GRIK2: variants seen among roughly 807,000 people sequenced by gnomAD.
GRIK2 encodes the protein glutamate receptor ionotropic, kainate 2.
GRIK2 carries 32 observed loss-of-function variants against 100.3 expected under a neutral mutation model. The ratio of observed to expected loss-of-function variants is 0.32; its 90% CI spans 0.24 to 0.43. The LOEUF (loss-of-function observed/expected upper bound fraction) is 0.43, where lower values mean the gene tolerates loss of function less well. GRIK2 is among the 20% of genes least tolerant of loss of function. The pLI is 1.00. For synonymous variants in GRIK2, 417 were observed against 389.4 expected, an observed-to-expected ratio of 1.07 and a Z score of -0.83; for missense variants, 843 against 1,114.9, an observed-to-expected ratio of 0.76 and a Z score of 3.47.
intron 12 of GRIK2, among the ~76,000 whole-genome samples, chr6:101,902,777 A>G (rs1252717437): frequency 2.0e-5 from 3 of 151,892 alleles, no homozygotes; most frequent in African/African-American, 7.2e-5. Context: ...ACTCTTTAAG[A>G]TAATTTAGTT....
intron 9 of GRIK2, among the ~76,000 whole-genome samples, chr6:101,804,953 A>C (rs1246100678): frequency 6.6e-6 from 1 of 151,976 alleles, no homozygotes; most frequent in Non-Finnish European, 1.5e-5. Context: ...AGAATAGTTT[A>C]CAGCTCAAGG....
At chr6:101,629,371 T>G (rs1468724683) in intron 4 of GRIK2, among the ~76,000 whole-genome samples, 1 of 152,128 alleles carries the variant, frequency 6.6e-6, no homozygotes, top group Non-Finnish European at 1.5e-5. Flanking sequence ...ATGCAACATT[T>G]AATTCAATGA....
At chr6:101,851,547 A>C (rs1405679719) in intron 10 of GRIK2, among the ~76,000 whole-genome samples, 1 of 152,044 alleles carries the variant, frequency 6.6e-6, no homozygotes, top group Non-Finnish European at 1.5e-5. Context: ...ATATGTTGCT[A>C]CCTAAATCTG....
intron 14 of GRIK2, among the ~76,000 whole-genome samples, chr6:101,946,326 C>T (rs1791274074): frequency 6.6e-6 from 1 of 151,744 alleles, no homozygotes; most frequent in African/African-American, 2.4e-5. Flanking sequence ...AACATAACTT[C>T]AGAAGATTTT....
In GRIK2 at chr6:101,545,945, CA is replaced by C. The variant is rs113983409; in HGVS notation, c.116-76003del. On this transcript the variant is annotated intron_variant, in intron 2 of 16. Coordinates refer to ENST00000369134, the MANE Select transcript of GRIK2 (RefSeq NM_021956.5). ...ATCTGTGCTGCCATTTAGTTCTCAA[CA>C]TTTTTTTTTTTTCTGAGCTGATCCC... Among the ~76,000 whole-genome samples the C allele has an allele frequency of 2.1e-4, 11 of 52,352 alleles. 2 individuals carry two copies. The highest frequency in any genetic ancestry group is 1.6e-3 in the African/African-American group (11 of 6,858). 34.3% of individuals were successfully genotyped at this position (52,352 alleles called of 152,430 possible). A position where few individuals can be genotyped will look rare whatever the true frequency, so the allele number is the denominator to read the frequency against.
At chr6:101,867,897 A>G (rs553021968) in intron 11 of GRIK2, among the ~76,000 whole-genome samples, 9 of 151,704 alleles carry the variant, frequency 5.9e-5, no homozygotes, top group African/African-American at 2.2e-4. Flanking sequence ...GCTAAGGATT[A>G]TTTTATTTGG....
At position 102,027,542 on chromosome 6, in the gene GRIK2, A is replaced by G. The variant is rs545412383; in HGVS notation, c.2086-7799A>G. ...AAAACATATTACAATATAGTATTCA[A>G]TTTTCTTTGCATGGTGGATGTGTTG... is the stretch of plus-strand genomic sequence containing the variant. On this transcript the variant is annotated intron_variant, in intron 14 of 16. Transcript: ENST00000369134. 5.1e-4 allele frequency among the ~76,000 whole-genome samples: 76 copies of G among 147,722 alleles called. 1 individual carries two copies. The South Asian group carries it at 0.012, about 23-fold the overall frequency.
chr6:101,545,559 T>G (rs1010687149), intron 2 of GRIK2, among the ~76,000 whole-genome samples: 4 of 152,176 alleles, frequency 2.6e-5, no homozygotes, highest in African/African-American at 9.7e-5. Context: ...TAGCTAGATT[T>G]GTGTAAATCT....
intron 11 of GRIK2, among the ~76,000 whole-genome samples, chr6:101,861,850 A>G (rs1784753055): frequency 6.6e-6 from 1 of 152,254 alleles, no homozygotes; most frequent in South Asian, 2.1e-4. Context: ...AAATACATAC[A>G]AATTTATTTA....
intron 4 of GRIK2, among the ~76,000 whole-genome samples, chr6:101,668,489 A>C (rs1273244022): frequency 6.6e-6 from 1 of 152,202 alleles, no homozygotes; most frequent in East Asian, 1.9e-4. Flanking sequence ...ACATTTCTGT[A>C]GCCCACATAC....
At chr6:101,418,430 C>T (rs1776256517) in intron 2 of GRIK2, among the ~76,000 whole-genome samples, 1 of 152,094 alleles carries the variant, frequency 6.6e-6, no homozygotes, top group Non-Finnish European at 1.5e-5. Flanking sequence ...GATAGTTTTT[C>T]TATCGACATT....
At chr6:101,486,272 CTG>C (rs1471884477) in intron 2 of GRIK2, among the ~76,000 whole-genome samples, 1 of 149,914 alleles carries the variant, frequency 6.7e-6, no homozygotes, top group Non-Finnish European at 1.5e-5. Context: ...GGGAAGAAGT[CTG>C]TGAATCAGTA....
chr6:101,523,720 C>CTTTT (rs1163558120), intron 2 of GRIK2, among the ~76,000 whole-genome samples: 99 of 121,526 alleles, frequency 8.1e-4, no homozygotes, highest in African/African-American at 2.8e-3. Context: ...ACTCCTAAGT[C>CTTTT]TTTTTTTTTT....
At chr6:101,633,925 C>T (rs1258151775) in intron 4 of GRIK2, among the ~76,000 whole-genome samples, 1 of 152,092 alleles carries the variant, frequency 6.6e-6, no homozygotes, top group Non-Finnish European at 1.5e-5. Flanking sequence ...ACTAGGCAGT[C>T]AACTTTAGAA....
At chr6:101,461,144 C>A (rs1771287722) in intron 2 of GRIK2, among the ~76,000 whole-genome samples, 1 of 152,146 alleles carries the variant, frequency 6.6e-6, no homozygotes, top group African/African-American at 2.4e-5. Context: ...TGGACATTTA[C>A]AAATGTTGCT....
At chr6:101,652,437 G>T (rs868103891) in intron 4 of GRIK2, among the ~76,000 whole-genome samples, 1 of 152,122 alleles carries the variant, frequency 6.6e-6, no homozygotes, top group Non-Finnish European at 1.5e-5. Flanking sequence ...CTCTAGAACT[G>T]TAGGAAATAT....
chr6:101,774,895 AT>A (rs1778648529), intron 7 of GRIK2, among the ~76,000 whole-genome samples: 1 of 152,140 alleles, frequency 6.6e-6, no homozygotes, highest in Non-Finnish European at 1.5e-5. Flanking sequence ...GAAAATATGT[AT>A]GGTAAGTATA....
intron 4 of GRIK2, among the ~76,000 whole-genome samples, chr6:101,636,828 T>C (rs1366317127): frequency 6.6e-6 from 1 of 152,134 alleles, no homozygotes; most frequent in East Asian, 1.9e-4. Flanking sequence ...TTTACATTTT[T>C]CTAAATTTAA....
intron 11 of GRIK2, among the ~76,000 whole-genome samples, chr6:101,876,478 AAAAC>A (rs1358114237): frequency 1.0e-5 from 1 of 100,366 alleles, no homozygotes; most frequent in African/African-American, 3.9e-5. Context: ...TTAGAAAACA[AAAAC>A]AAACACACAC....
Sources: allele counts gnomAD v4.1 joint callset (sites outside exome capture counted in the v4.1 genomes callset), GRCh38; gene constraint gnomAD v4.1.1; transcripts MANE v1.5; gene names NCBI Gene and HGNC (gene_info 2026-07-23, HGNC 2026-07-21).